FRMD4A: variants seen among roughly 807,000 people sequenced by gnomAD.
FRMD4A encodes the protein FERM domain-containing protein 4A.
In FRMD4A, 29 loss-of-function variants were observed where a neutral mutation model predicts 129.1. The ratio of observed to expected loss-of-function variants is 0.22; its 90% CI spans 0.17 to 0.31. FRMD4A has a LOEUF of 0.31. Among genes scored for constraint, FRMD4A ranks in the 10% least tolerant of loss-of-function variants. The probability of loss-of-function intolerance (pLI) is 1.00; values close to 1 mark genes in which losing one functional copy is unlikely to be tolerated. For synonymous variants in FRMD4A, 634 were observed against 571.6 expected (o/e 1.11, Z -1.56); for missense variants, 1,272 against 1,375.8 (o/e 0.92, Z 1.19).
At chr10:14,085,110 TCCATC>T (rs1379125708) in intron 2 of FRMD4A, among the ~76,000 whole-genome samples, 5 of 151,772 alleles carry the variant, frequency 3.3e-5, no homozygotes, top group Non-Finnish European at 7.4e-5. Flanking sequence ...GAATCCCACC[TCCATC>T]TGTTTATAAA....
chr10:13,938,637 G>A (rs1488150529), intron 2 of FRMD4A, among the ~76,000 whole-genome samples: 1 of 152,106 alleles, frequency 6.6e-6, no homozygotes, highest in African/African-American at 2.4e-5. Flanking sequence ...CAAAATCCTG[G>A]CAAAGCTTTA....
intron 2 of FRMD4A, among the ~76,000 whole-genome samples, chr10:14,094,502 C>G (rs1243186485): frequency 6.6e-6 from 1 of 152,176 alleles, no homozygotes; most frequent in Non-Finnish European, 1.5e-5. Flanking sequence ...AGTCTCCTTT[C>G]AAACGCAGAG....
At chr10:14,036,739 A>G (rs1246068664) in intron 2 of FRMD4A, among the ~76,000 whole-genome samples, 1 of 152,026 alleles carries the variant, frequency 6.6e-6, no homozygotes, top group Non-Finnish European at 1.5e-5. Flanking sequence ...ATTGACCATT[A>G]TACTCGTCTA....
At chr10:14,251,714 T>C (rs1379124633) in intron 2 of FRMD4A, among the ~76,000 whole-genome samples, 1 of 152,192 alleles carries the variant, frequency 6.6e-6, no homozygotes, top group Non-Finnish European at 1.5e-5. Flanking sequence ...AGGGTTTACG[T>C]GGGCCCTGGA....
chr10:13,838,082 T>G (rs1047266524), intron 3 of FRMD4A, among the ~76,000 whole-genome samples: 1 of 152,136 alleles, frequency 6.6e-6, no homozygotes, highest in Non-Finnish European at 1.5e-5. Flanking sequence ...AATTACAACG[T>G]GCTATCTCTT....
chr10:14,031,567 T>G (rs1360565544), intron 2 of FRMD4A, among the ~76,000 whole-genome samples: 1 of 152,168 alleles, frequency 6.6e-6, no homozygotes, highest in East Asian at 1.9e-4. Context: ...CTTACAGATG[T>G]TTTTTAATGG....
At chr10:13,899,278 GGTGA>G (rs2094793585) in intron 2 of FRMD4A, among the ~76,000 whole-genome samples, 2 of 152,182 alleles carry the variant, frequency 1.3e-5, no homozygotes, top group Non-Finnish European at 2.9e-5. Context: ...CTAACATTGT[GGTGA>G]GTATGTACTC....
intron 2 of FRMD4A, among the ~76,000 whole-genome samples, chr10:14,282,190 C>T (rs778268530): frequency 4.9e-4 from 75 of 152,116 alleles, no homozygotes; most frequent in Middle Eastern, 3.2e-3. Flanking sequence ...GGGTCCCTCC[C>T]ACAATGTGTG....
chr10:13,664,593 C>T (rs142265498), intron 18 of FRMD4A, among the ~76,000 whole-genome samples: 1 of 152,224 alleles, frequency 6.6e-6, no homozygotes, highest in Non-Finnish European at 1.5e-5. Flanking sequence ...CAGCACATCA[C>T]TGCTACGCTA....
intron 15 of FRMD4A, chr10:13,685,586 C>G: frequency 1.0e-6 from 1 of 982,350 alleles, no homozygotes; most frequent in Non-Finnish European, 1.2e-6. Context: ...GTGCTCCCAG[C>G]AAAGGAGCAC....
At chr10:13,794,746 C>G (rs1017855117) in intron 5 of FRMD4A, among the ~76,000 whole-genome samples, 2 of 152,176 alleles carry the variant, frequency 1.3e-5, no homozygotes, top group African/African-American at 4.8e-5. Context: ...CTTTGAGGTT[C>G]TTGCTTTGGC....
intron 2 of FRMD4A, among the ~76,000 whole-genome samples, chr10:14,117,498 C>A (rs1321819675): frequency 6.6e-6 from 1 of 152,204 alleles, no homozygotes; most frequent in Non-Finnish European, 1.5e-5. Flanking sequence ...CTCTGGGTCT[C>A]TGAGATTCTC....
intron 2 of FRMD4A, among the ~76,000 whole-genome samples, chr10:14,235,842 T>C (rs1039797430): frequency 6.6e-6 from 1 of 151,688 alleles, no homozygotes; most frequent in Non-Finnish European, 1.5e-5. Flanking sequence ...TTCTAAGTGC[T>C]GTATAGAATT....
chr10:13,936,390 C>A (rs2095249302), intron 2 of FRMD4A, among the ~76,000 whole-genome samples: 1 of 152,174 alleles, frequency 6.6e-6, no homozygotes, highest in South Asian at 2.1e-4. Context: ...AAAAGAATGG[C>A]TCTTTGCTAT....
intron 2 of FRMD4A, among the ~76,000 whole-genome samples, chr10:14,321,366 A>G (rs1350123040): frequency 6.6e-6 from 1 of 150,980 alleles, no homozygotes; most frequent in Non-Finnish European, 1.5e-5. Context: ...TAATTCATAT[A>G]TGTATATATG....
intron 2 of FRMD4A, among the ~76,000 whole-genome samples, chr10:14,235,230 AG>A (rs1843765655): frequency 6.8e-6 from 1 of 147,064 alleles, no homozygotes. Flanking sequence ...GCTCACTGCA[AG>A]CTCCGCCTCC....
At chr10:13,859,030 T>A in intron 2 of FRMD4A, 118 bp from the exon 3 acceptor site, 1 of 734,608 alleles carries the variant, frequency 1.4e-6, no homozygotes, top group Admixed American at 1.8e-5. Context: ...CCTCTGGGAG[T>A]CGGCACTGTA....
chr10:14,307,591 A>G (rs927272750), intron 2 of FRMD4A, among the ~76,000 whole-genome samples: 2 of 152,204 alleles, frequency 1.3e-5, no homozygotes, highest in Admixed American at 6.5e-5. Context: ...TCAGCTAACT[A>G]CGGAAGGAAA....
At chr10:14,307,663 A>C (rs556457974) in intron 2 of FRMD4A, among the ~76,000 whole-genome samples, 1 of 152,334 alleles carries the variant, frequency 6.6e-6, no homozygotes, top group Admixed American at 6.5e-5. Flanking sequence ...GGAATAGTCC[A>C]ACTCCATTGG....
Sources: allele counts gnomAD v4.1 joint callset (sites outside exome capture counted in the v4.1 genomes callset), GRCh38; gene constraint gnomAD v4.1.1; transcripts MANE v1.5; gene names NCBI Gene and HGNC (gene_info 2026-07-23, HGNC 2026-07-21).